Variants in ATRNL1 observed in about 807,000 individuals in gnomAD.
The protein encoded by ATRNL1 is attractin-like protein 1.
ATRNL1 carries 95 observed loss-of-function variants against 182.7 expected under a neutral mutation model. That is an observed-to-expected ratio of 0.52 (90% CI 0.44 to 0.62). The LOEUF (loss-of-function observed/expected upper bound fraction) is 0.62. ATRNL1 is among the 20% of genes least tolerant of loss of function. The probability of loss-of-function intolerance (pLI) is 0.00; values close to 1 mark genes in which losing one functional copy is unlikely to be tolerated. For missense variants in ATRNL1, 1,471 were observed against 1,679.5 expected (o/e 0.88, Z 2.17); for synonymous variants, 576 against 568.3 (o/e 1.01, Z -0.19).
At position 115,171,025 on chromosome 10, in the gene ATRNL1, T is replaced by C. The variant is rs570594572; in HGVS notation, c.1093-12T>C. The C allele has an allele frequency of 6.6e-5, 97 of 1,466,036 alleles. No individual in the cohort carries two copies. In the South Asian group the frequency reaches 1.3e-3, roughly 20 times the overall value. 90.8% of individuals were successfully genotyped at this position (1,466,036 alleles called of 1,614,324 possible). On this transcript the variant is annotated splice_polypyrimidine_tract_variant and intron_variant, in intron 7 of 28. Coordinates refer to ENST00000355044, the MANE Select transcript of ATRNL1 (RefSeq NM_207303.4). ...TTATTTTATCTATTAATATATGTAT[T>C]TTAATTTACAGGAAAACATCTTTAT...
At chr10:115,496,205 G>A (rs937761122) in intron 24 of ATRNL1, among the ~76,000 whole-genome samples, 12 of 152,150 alleles carry the variant, frequency 7.9e-5, no homozygotes, top group Admixed American at 3.3e-4. Context: ...TGAGCCTATG[G>A]GTGTCATTGC....
At chr10:115,851,910 C>T (rs1555100622) in intron 28 of ATRNL1, among the ~76,000 whole-genome samples, 1 of 152,164 alleles carries the variant, frequency 6.6e-6, no homozygotes, top group Non-Finnish European at 1.5e-5. Flanking sequence ...TCCTACATGA[C>T]ACTTAACAAC....
intron 15 of ATRNL1, among the ~76,000 whole-genome samples, chr10:115,287,924 G>GTTTTTTTTTTTTTTT (rs11298663): frequency 2.2e-5 from 2 of 91,020 alleles, no homozygotes; most frequent in African/African-American, 4.2e-5. Context: ...AAGATCAACT[G>GTTTTTTTTTTTTTTT]TTTTTTTTTT....
chr10:115,793,760 G>T (rs782668285), intron 27 of ATRNL1, among the ~76,000 whole-genome samples: 1 of 152,086 alleles, frequency 6.6e-6, no homozygotes, highest in Non-Finnish European at 1.5e-5. Flanking sequence ...TTAAAACTAC[G>T]ATGAATAAGG....
rs532277944 is a variant in ATRNL1 at position 115,536,171 on chromosome 10, G to A, written c.3717-13287G>A. Among the ~76,000 whole-genome samples the A allele has an allele frequency of 2.0e-5, 3 of 152,280 alleles. No homozygotes were observed. The South Asian group carries it at 6.2e-4, about 32-fold the overall frequency. ...AGACAGGGACATTTAATTCTGCAGA[G>A]GTTACTGCTGTGTTTTTGTTTGTCT... is the stretch of plus-strand genomic sequence containing the variant. On this transcript the variant is annotated intron_variant, in intron 25 of 28. Transcript: ENST00000355044.
intron 27 of ATRNL1, among the ~76,000 whole-genome samples, chr10:115,780,084 C>A (rs576095032): frequency 6.6e-6 from 1 of 152,300 alleles, no homozygotes; most frequent in Non-Finnish European, 1.5e-5. Context: ...TCTTAAATTG[C>A]CACTGCCACT....
Position 115,583,876 on chromosome 10 carries a change from T to G in ATRNL1, c.3795+34340T>G, listed in dbSNP as rs572112105. On this transcript the variant is annotated intron_variant, in intron 26 of 28. Coordinates refer to ENST00000355044, the MANE Select transcript of ATRNL1 (RefSeq NM_207303.4). The stretch of plus-strand genomic sequence containing the variant: ...AGTTTTTGCCCATTCAGTATGATAT[T>G]GGCTGTGGGTTTGTCATAGACAGCT... 2.6e-4 allele frequency among the ~76,000 whole-genome samples: 39 copies of G among 151,258 alleles called. 1 individual carries two copies. In the South Asian group the frequency reaches 8.0e-3, roughly 31 times the overall value.
chr10:115,737,301 G>A (rs1047269330), intron 27 of ATRNL1, among the ~76,000 whole-genome samples: 9 of 151,264 alleles, frequency 5.9e-5, no homozygotes, highest in African/African-American at 1.7e-4. Context: ...GCTGGGCATG[G>A]TGGCATGCAT....
At chr10:115,264,696 T>TTTC (rs10628089) in intron 10 of ATRNL1, among the ~76,000 whole-genome samples, 1,782 of 151,702 alleles carry the variant, frequency 0.012, 33 homozygotes, top group African/African-American at 0.04. Flanking sequence ...TAAAAAAGCT[T>TTTC]TTTTGAGAAT....
Position 115,375,084 on chromosome 10 carries a change from C to T in ATRNL1, c.3176-19575C>T, listed in dbSNP as rs1282464934. On this transcript the variant is annotated intron_variant, in intron 19 of 28. Transcript: ENST00000355044. ...ATGTTGAAAGCAAGGGTATTCAAGTCCCTTACTATTATTTTATTGTAGTCT... is the reference window on the plus strand; with the variant it reads ...ATGTTGAAAGCAAGGGTATTCAAGTTCCTTACTATTATTTTATTGTAGTCT... 2.0e-5 allele frequency among the ~76,000 whole-genome samples: 3 copies of T among 150,742 alleles called. No individual in the cohort carries two copies. In the East Asian group the frequency reaches 5.8e-4, roughly 29 times the overall value.
At chr10:115,307,056 G>A (rs1463457896) in intron 17 of ATRNL1, among the ~76,000 whole-genome samples, 1 of 152,140 alleles carries the variant, frequency 6.6e-6, no homozygotes, top group Non-Finnish European at 1.5e-5. Flanking sequence ...TGCTTCTTTT[G>A]TTTTCTTGAT....
chr10:115,327,356 C>A (rs1220555561), intron 18 of ATRNL1, among the ~76,000 whole-genome samples: 1 of 152,078 alleles, frequency 6.6e-6, no homozygotes, highest in Non-Finnish European at 1.5e-5. Flanking sequence ...CACTGACCAT[C>A]AGAGAAATGC....
chr10:115,525,853 T>C (rs1592785924), intron 25 of ATRNL1, among the ~76,000 whole-genome samples: 1 of 152,164 alleles, frequency 6.6e-6, no homozygotes, highest in East Asian at 1.9e-4. Flanking sequence ...TCGTTGCCCT[T>C]TATCAAATAT....
At chr10:115,843,255 G>A (rs1381941403) in intron 27 of ATRNL1, among the ~76,000 whole-genome samples, 1 of 151,974 alleles carries the variant, frequency 6.6e-6, no homozygotes, top group Non-Finnish European at 1.5e-5. Context: ...CCAAAAAGGT[G>A]GCACAAGCAC....
chr10:115,660,406 G>C (rs1860608679), intron 26 of ATRNL1, among the ~76,000 whole-genome samples: 1 of 152,096 alleles, frequency 6.6e-6, no homozygotes, highest in Non-Finnish European at 1.5e-5. Flanking sequence ...TCTAAGTGGA[G>C]GTGTGTAGTA....
intron 19 of ATRNL1, among the ~76,000 whole-genome samples, chr10:115,374,453 T>TTCCTTCCTTCC (rs1421460494): frequency 7.4e-6 from 1 of 135,798 alleles, no homozygotes; most frequent in African/African-American, 2.9e-5. Context: ...CCTTCCTTCC[T>TTCCTTCCTTCC]TTCCTTCCTT....
chr10:115,364,823 T>C (rs1443880225), intron 19 of ATRNL1, among the ~76,000 whole-genome samples: 1 of 150,902 alleles, frequency 6.6e-6, no homozygotes, highest in Non-Finnish European at 1.5e-5. Flanking sequence ...GGATTACATT[T>C]ATTGATTTGC....
chr10:115,682,314 G>C (rs1946072145), intron 26 of ATRNL1, among the ~76,000 whole-genome samples: 1 of 152,116 alleles, frequency 6.6e-6, no homozygotes, highest in Non-Finnish European at 1.5e-5. Flanking sequence ...CAAGGTGGAT[G>C]GATCACTTGA....
chr10:115,729,463 G>C (rs2134066897), intron 27 of ATRNL1, among the ~76,000 whole-genome samples: 1 of 147,650 alleles, frequency 6.8e-6, no homozygotes, highest in East Asian at 2.0e-4. Flanking sequence ...ATTAACTACT[G>C]TTCTACCAAG....
Sources: gnomAD v4.1 joint callset for allele counts (sites outside exome capture counted in the v4.1 genomes callset) on GRCh38, gnomAD v4.1.1 for gene constraint, MANE v1.5 for transcripts, NCBI Gene and HGNC (gene_info 2026-07-23, HGNC 2026-07-21) for gene names.